FER: variants seen among roughly 807,000 people sequenced by gnomAD.
FER encodes the protein tyrosine-protein kinase Fer.
In FER, 63 loss-of-function variants were observed where a neutral mutation model predicts 111.0. That is an observed-to-expected ratio of 0.57 (90% CI 0.46 to 0.70). The LOEUF (loss-of-function observed/expected upper bound fraction) is 0.70. FER is among the 30% of genes least tolerant of loss of function. The pLI is 0.00. For missense variants in FER, 914 were observed against 954.0 expected (o/e 0.96, Z 0.55); for synonymous variants, 327 against 313.9 (o/e 1.04, Z -0.44).
In FER at chr5:108,897,727, G is replaced by T; in HGVS notation, c.1115G>T (p.Cys372Phe). The change falls in exon 10 of 20, where the codon TGC becomes TTC. Residue 372 changes from cysteine to phenylalanine, a missense_variant. Cys to Phe is a radical substitution (Grantham distance 205, BLOSUM62 -2). Around this residue, in one of 3 missense-constraint regions of FER, gnomAD observed 774 missense variants for 782.6 expected, o/e 0.99. Transcript: ENST00000281092. ...ELKQSVQQLR[C>F]TEAKFSAQKE... Reference sequence around the variant, plus strand: ...AAACAGTCAGTCCAGCAGCTGAGATGCACTGAAGCAAAGTTTTCAGCACAG... The same window carrying T: ...AAACAGTCAGTCCAGCAGCTGAGATTCACTGAAGCAAAGTTTTCAGCACAG... 1 of 1,613,526 alleles carries T rather than the reference G, an allele frequency of 6.2e-7. No individual in the cohort carries two copies. Among genetic ancestry groups the T allele is most frequent in the Non-Finnish European group, 8.5e-7 (1 of 1,179,704 alleles).
chr5:108,825,887 C>T (rs540677164), intron 3 of FER, among the ~76,000 whole-genome samples: 1 of 152,194 alleles, frequency 6.6e-6, no homozygotes. Context: ...CTATTGTAGA[C>T]AGTCATACTT....
intron 13 of FER, among the ~76,000 whole-genome samples, chr5:108,991,427 G>A (rs1012952458): frequency 3.3e-5 from 5 of 151,886 alleles, no homozygotes; most frequent in Non-Finnish European, 2.9e-5. Context: ...TCAAATTACT[G>A]AAAATTATTA....
intron 17 of FER, among the ~76,000 whole-genome samples, chr5:109,150,697 G>T (rs1278688622): frequency 6.6e-6 from 1 of 152,110 alleles, no homozygotes; most frequent in Non-Finnish European, 1.5e-5. Flanking sequence ...CGTTATAGTT[G>T]TTTATGTTTC....
At chr5:108,777,621 TC>T (rs1440261262) in intron 2 of FER, among the ~76,000 whole-genome samples, 3 of 152,220 alleles carry the variant, frequency 2.0e-5, no homozygotes, top group African/African-American at 7.2e-5. Context: ...CAACCACTGA[TC>T]TTTTTACTGT....
intron 13 of FER, among the ~76,000 whole-genome samples, chr5:109,035,158 C>G (rs1770199424): frequency 6.6e-6 from 1 of 151,504 alleles, no homozygotes; most frequent in Non-Finnish European, 1.5e-5. Flanking sequence ...CTCAGCTTCC[C>G]AAATAGGTAG....
chr5:109,109,226 C>T (rs964983628), intron 17 of FER, among the ~76,000 whole-genome samples: 3 of 152,134 alleles, frequency 2.0e-5, no homozygotes, highest in Non-Finnish European at 4.4e-5. Flanking sequence ...CCCTGTAACC[C>T]ATAACCTGTT....
At chr5:109,172,245 C>G (rs551066345) in intron 17 of FER, among the ~76,000 whole-genome samples, 29 of 151,782 alleles carry the variant, frequency 1.9e-4, no homozygotes, top group Non-Finnish European at 3.5e-4. Flanking sequence ...AAATGTCCAA[C>G]AATGATAGAC....
rs1394877911 is a variant in FER, at chr5:108,868,034, T to A, written c.665+84T>A. The A allele has an allele frequency of 1.1e-4, 137 of 1,277,096 alleles. 2 individuals are homozygous for A. In the Admixed American group the frequency reaches 3.4e-3, roughly 31 times the overall value. The allele number at this position is 1,277,096 out of a possible 1,614,324, so 79.1% of individuals were successfully genotyped here. A position where few individuals can be genotyped will look rare whatever the true frequency, so the allele number is the denominator to read the frequency against. The stretch of plus-strand genomic sequence containing the variant: ...TCTCTCTAGTTTAGGTGTTGCTTCA[T>A]AAGTTTTATTATTAACCCAGTCCAG... On this transcript the variant is annotated intron_variant, in intron 6 of 19. Transcript: ENST00000281092.
chr5:108,796,088 C>T (rs1755985597), intron 2 of FER, among the ~76,000 whole-genome samples: 1 of 152,148 alleles, frequency 6.6e-6, no homozygotes. Flanking sequence ...GTATTAGGGG[C>T]CACTTCAAGC....
At chr5:109,083,167 TCTTA>T (rs1418328825) in intron 16 of FER, among the ~76,000 whole-genome samples, 3 of 152,084 alleles carry the variant, frequency 2.0e-5, no homozygotes, top group African/African-American at 4.8e-5. Flanking sequence ...ATAATCAAGT[TCTTA>T]CTTCACTTGA....
intron 13 of FER, among the ~76,000 whole-genome samples, chr5:109,022,029 C>G (rs1767996931): frequency 6.6e-6 from 1 of 151,932 alleles, no homozygotes; most frequent in African/African-American, 2.4e-5. Flanking sequence ...TCCTTAGATC[C>G]AAAAGGAGGG....
chr5:109,056,781 A>G (rs984359459), intron 16 of FER, among the ~76,000 whole-genome samples: 2 of 152,198 alleles, frequency 1.3e-5, no homozygotes. Flanking sequence ...TTGCTTCACT[A>G]TAATATTCTT....
In FER at chr5:108,923,349, T is replaced by A. The variant is rs72793903; in HGVS notation, c.1237-22781T>A. 2.8e-3 allele frequency among the ~76,000 whole-genome samples: 424 copies of A among 150,708 alleles called. 2 individuals carry two copies. The highest frequency in any genetic ancestry group is 8.8e-3 in the African/African-American group (358 of 40,620). On this transcript the variant is annotated intron_variant, in intron 10 of 19. Transcript: ENST00000281092. ...GCAAAAAGGCAAGAAAATTAAAAAA[T>A]TTTTTTTTGATTGCATCTAATTATA...
intron 17 of FER, among the ~76,000 whole-genome samples, chr5:109,139,640 G>A (rs971492731): frequency 1.1e-4 from 17 of 152,044 alleles, no homozygotes; most frequent in Non-Finnish European, 2.1e-4. Context: ...TTTTCTGCAA[G>A]TCAGCAGAAA....
chr5:108,772,259 G>C (rs1752977207), intron 2 of FER, among the ~76,000 whole-genome samples: 1 of 126,060 alleles, frequency 7.9e-6, no homozygotes, highest in Non-Finnish European at 1.8e-5. Context: ...TCAAACCATA[G>C]TAGTGTTTAA....
chr5:109,117,438 A>G (rs1414863278), intron 17 of FER, among the ~76,000 whole-genome samples: 1 of 152,120 alleles, frequency 6.6e-6, no homozygotes, highest in African/African-American at 2.4e-5. Context: ...TTTGTGATAA[A>G]CTCATATCAT....
intron 17 of FER, among the ~76,000 whole-genome samples, chr5:109,110,963 G>A (rs992553379): frequency 6.6e-6 from 1 of 152,128 alleles, no homozygotes; most frequent in Non-Finnish European, 1.5e-5. Flanking sequence ...TCCTGGCATT[G>A]TTTTATCACA....
At chr5:108,912,455 A>C (rs1310768740) in intron 10 of FER, among the ~76,000 whole-genome samples, 1 of 152,082 alleles carries the variant, frequency 6.6e-6, no homozygotes, top group Non-Finnish European at 1.5e-5. Flanking sequence ...TCTGTCTCCC[A>C]GGTTCAAGAG....
intron 8 of FER, among the ~76,000 whole-genome samples, chr5:108,879,699 A>ATATATATATAT (rs1165401708): frequency 0.018 from 1,717 of 93,044 alleles, 45 homozygotes; most frequent in African/African-American, 0.053. Context: ...AGATTAAAAA[A>ATATATATATAT]AAATATATAT....
Sources: gnomAD v4.1 joint callset for allele counts (sites outside exome capture counted in the v4.1 genomes callset) on GRCh38, gnomAD v4.1.1 for gene constraint, gnomAD v4.1.1 regional missense constraint, MANE v1.5 for transcripts, NCBI Gene and HGNC (gene_info 2026-07-23, HGNC 2026-07-21) for gene names.